C16orf96: variants seen among roughly 807,000 people sequenced by gnomAD.
The protein encoded by C16orf96 is chromosome 16 open reading frame 96.
A neutral mutation model predicts 103.6 loss-of-function variants in C16orf96; 108 were observed. That is an observed-to-expected ratio of 1.04 (90% CI 0.89 to 1.22). The LOEUF (loss-of-function observed/expected upper bound fraction) is 1.22. Among genes scored for constraint, C16orf96 ranks in the 50% most tolerant of loss-of-function variants. The pLI is 0.00. For synonymous variants in C16orf96, 566 were observed against 593.5 expected (o/e 0.95, Z 0.67); for missense variants, 1,586 against 1,464.2 (o/e 1.08, Z -1.36).
chr16:4,594,663 G>T (rs1043196042), intron 13 of C16orf96, 41 bp from the exon 14 acceptor site: 1 of 1,548,530 alleles, frequency 6.5e-7, no homozygotes, highest in African/African-American at 1.4e-5. Context: ...GGGCAGATCG[G>T]GTCGGGGGCT....
upstream of C16orf96, among the ~76,000 whole-genome samples, chr16:4,554,370 A>T (rs2059244247): frequency 1.3e-5 from 2 of 149,394 alleles, no homozygotes; most frequent in African/African-American, 5.0e-5. Context: ...TTTTTTTTTG[A>T]GACAGAGTCT....
chr16:4,546,563 C>T, the C16orf96 span, among the ~76,000 whole-genome samples: 8 of 150,850 alleles, frequency 5.3e-5, no homozygotes, highest in Non-Finnish European at 1.0e-4. Context: ...CTTCCAAGCT[C>T]AAGCGATCCT....
chr16:4,581,581 C>T (rs925970443), intron 7 of C16orf96, among the ~76,000 whole-genome samples: 3 of 151,112 alleles, frequency 2.0e-5, no homozygotes, highest in African/African-American at 4.9e-5. Flanking sequence ...TGCAGTAAGC[C>T]GAGATCCCAC....
At position 4,592,425 on chromosome 16, in the gene C16orf96, C is replaced by T. The variant is rs1401632323; in HGVS notation, c.2774+58C>T. 3.3e-6 allele frequency: 5 copies of T among 1,519,832 alleles called. No homozygotes were observed. In the East Asian group the frequency reaches 1.2e-4, roughly 37 times the overall value. 94.1% of individuals were successfully genotyped at this position (1,519,832 alleles called of 1,614,324 possible). ...AAGGGCTTGTGGGGCCCATGGAGGT[C>T]ATCTCCGTGCACCTCCATGTGCACC... On this transcript the variant is annotated intron_variant, in intron 11 of 15. Transcript: ENST00000444310.
upstream of C16orf96, among the ~76,000 whole-genome samples, chr16:4,554,085 C>A (rs2059242650): frequency 6.6e-6 from 1 of 152,116 alleles, no homozygotes; most frequent in South Asian, 2.1e-4. Context: ...AGGAGACAAG[C>A]AGGCTGGGAT....
In C16orf96 at chr16:4,557,001, G is replaced by T. The variant is rs1010297115; in HGVS notation, c.420+92G>T. ...TTTTTTGTTTTTGAGACTCCGTCTCGCTCTGTCACCCAGGCTGGAGTGCAG... is the reference window on the plus strand; with the variant it reads ...TTTTTTGTTTTTGAGACTCCGTCTCTCTCTGTCACCCAGGCTGGAGTGCAG... On this transcript the variant is annotated intron_variant, in intron 1 of 15. Transcript: ENST00000444310. 68 of 1,357,200 alleles carry T rather than the reference G, an allele frequency of 5.0e-5. No individual in the cohort carries two copies. The African/African-American group carries it at 8.2e-4, about 16-fold the overall frequency. The allele number at this position is 1,357,200 out of a possible 1,614,324, so 84.1% of individuals were successfully genotyped here.
chr16:4,586,769 T>G (rs2141747664), intron 7 of C16orf96, among the ~76,000 whole-genome samples: 2 of 152,316 alleles, frequency 1.3e-5, no homozygotes, highest in Middle Eastern at 3.4e-3. Flanking sequence ...GGTTTGTGCT[T>G]TCCTTCCTTG....
chr16:4,589,757 G>A (rs996676600), intron 9 of C16orf96, among the ~76,000 whole-genome samples: 2 of 152,168 alleles, frequency 1.3e-5, no homozygotes, highest in African/African-American at 4.8e-5. Flanking sequence ...TAATAGTGTT[G>A]TGGTTATATA....
rs1897215366 is a variant in C16orf96 at position 4,598,278 on chromosome 16, G to A, written c.3128-1006G>A. Among the ~76,000 whole-genome samples, 3 of 152,182 alleles carry A rather than the reference G, an allele frequency of 2.0e-5. No individual in the cohort carries two copies. The South Asian group carries it at 6.2e-4, about 31-fold the overall frequency. On this transcript the variant is annotated intron_variant, in intron 14 of 15. Coordinates refer to ENST00000444310, the MANE Select transcript of C16orf96 (RefSeq NM_001145011.2). ...AGGCGGGAGGATCACTTGAGCCCAG[G>A]AGGTTCCAGCTGCAGTGAGCCATGA...
intron 6 of C16orf96, 91 bp downstream of exon 6, chr16:4,579,116 A>G (rs2059550645): frequency 5.9e-6 from 7 of 1,178,584 alleles, no homozygotes; most frequent in South Asian, 5.5e-5. Flanking sequence ...TCCCAGGTGC[A>G]GCTGTGTTCT....
At chr16:4,584,831 G>A (rs1053101679) in intron 7 of C16orf96, among the ~76,000 whole-genome samples, 1 of 152,054 alleles carries the variant, frequency 6.6e-6, no homozygotes, top group Admixed American at 6.6e-5. Context: ...ACCGTGCCCA[G>A]CCAATTTTTT....
chr16:4,591,555 GA>G (rs1415624535), intron 9 of C16orf96, 110 bp from the exon 10 acceptor site: 8 of 836,466 alleles, frequency 9.6e-6, no homozygotes, highest in Non-Finnish European at 1.6e-5. Flanking sequence ...TATTTTAGTT[GA>G]ATTTTGTTAC....
At chr16:4,579,450 A>G (rs576793142) in intron 6 of C16orf96, among the ~76,000 whole-genome samples, 6 of 149,244 alleles carry the variant, frequency 4.0e-5, no homozygotes, top group Non-Finnish European at 7.4e-5. Context: ...ACTACTCGGG[A>G]GGCTGAGGTG....
At chr16:4,546,418 A>G in the C16orf96 span, among the ~76,000 whole-genome samples, 1 of 148,856 alleles carries the variant, frequency 6.7e-6, no homozygotes, top group Admixed American at 6.7e-5. Context: ...TCGGCCTCCC[A>G]GAGTGCTGCG....
intron 9 of C16orf96, among the ~76,000 whole-genome samples, chr16:4,589,410 C>T (rs1441751975): frequency 1.9e-5 from 1 of 51,672 alleles, no homozygotes; most frequent in East Asian, 7.3e-4. Context: ...GAAACTCTGT[C>T]CCCCTACCAA....
intron 1 of C16orf96, among the ~76,000 whole-genome samples, chr16:4,558,905 C>G (rs1488811383): frequency 1.6e-5 from 2 of 126,318 alleles, no homozygotes; most frequent in African/African-American, 6.4e-5. Context: ...CAGAGCGAGA[C>G]TCTGTCTCAA....
intron 14 of C16orf96, among the ~76,000 whole-genome samples, chr16:4,598,125 GA>G (rs1897211783): frequency 6.6e-6 from 1 of 152,156 alleles, no homozygotes; most frequent in Non-Finnish European, 1.5e-5. Context: ...GCTGAAGCCT[GA>G]GGATCACTTG....
intron 1 of C16orf96, among the ~76,000 whole-genome samples, chr16:4,565,812 T>G (rs745794828): frequency 2.0e-5 from 3 of 150,484 alleles, no homozygotes; most frequent in Non-Finnish European, 4.4e-5. Context: ...TTGACTGTTA[T>G]GAATATGCTG....
In C16orf96 at chr16:4,591,794, C is replaced by A; in HGVS notation, c.2711+10C>A. The stretch of plus-strand genomic sequence containing the variant: ...CTGCTGGCTTTAGGAGGTGAGTGCC[C>A]GCCCGAGCCCCTCCTGGTAGGGGTC... On this transcript the variant is annotated intron_variant, in intron 10 of 15. Transcript: ENST00000444310. 1 of 1,496,432 alleles carries A rather than the reference C, an allele frequency of 6.7e-7. No homozygotes were observed. The highest frequency in any genetic ancestry group is 9.0e-7 in the Non-Finnish European group (1 of 1,116,360). The allele number at this position is 1,496,432 out of a possible 1,614,324, so 92.7% of individuals were successfully genotyped here.
Sources: gnomAD v4.1 joint callset for allele counts (sites outside exome capture counted in the v4.1 genomes callset) on GRCh38, gnomAD v4.1.1 for gene constraint, MANE v1.5 for transcripts, NCBI Gene and HGNC (gene_info 2026-07-23, HGNC 2026-07-21) for gene names.